The following RIT2 variants were observed in gnomAD, a reference collection of about 807,000 sequenced individuals.
RIT2 encodes GTP-binding protein Rit2.
RIT2 carries 24 observed loss-of-function variants against 23.7 expected under a neutral mutation model. The ratio of observed to expected loss-of-function variants is 1.01; its 90% CI spans 0.73 to 1.43. The LOEUF is 1.43. Among genes scored for constraint, RIT2 ranks in the 40% most tolerant of loss-of-function variants. RIT2 has a pLI of 0.00. For synonymous variants in RIT2, 107 were observed against 91.1 expected, an observed-to-expected ratio of 1.17 and a Z score of -0.99; for missense variants, 236 against 266.9, an observed-to-expected ratio of 0.88 and a Z score of 0.81.
intron 2 of RIT2, among the ~76,000 whole-genome samples, chr18:43,031,909 A>C (rs1322224107): frequency 6.6e-6 from 1 of 152,054 alleles, no homozygotes; most frequent in Non-Finnish European, 1.5e-5. Context: ...TTTCCTCTTA[A>C]GAGGTCATTA....
At chr18:42,839,489 T>G (rs1443221525) in intron 4 of RIT2, among the ~76,000 whole-genome samples, 1 of 152,174 alleles carries the variant, frequency 6.6e-6, no homozygotes, top group Non-Finnish European at 1.5e-5. Flanking sequence ...ACAGTGTGAC[T>G]TGAGGGCTTG....
At chr18:42,786,493 T>C (rs1913924884) in intron 4 of RIT2, among the ~76,000 whole-genome samples, 1 of 152,228 alleles carries the variant, frequency 6.6e-6, no homozygotes, top group Non-Finnish European at 1.5e-5. Flanking sequence ...TTAAAATATA[T>C]GCAACTATTA....
At chr18:42,985,949 TAATATGAGAATGAA>T (rs1344220967) in intron 2 of RIT2, among the ~76,000 whole-genome samples, 1 of 151,762 alleles carries the variant, frequency 6.6e-6, no homozygotes, top group African/African-American at 2.4e-5. Context: ...CGAAAGTTTT[TAATATGAGAATGAA>T]AATATGAGTC....
chr18:43,057,854 G>A (rs1912545980), intron 1 of RIT2, among the ~76,000 whole-genome samples: 1 of 145,038 alleles, frequency 6.9e-6, no homozygotes, highest in Non-Finnish European at 1.5e-5. Flanking sequence ...AATGGCTTGG[G>A]CCAAGAAATT....
At chr18:43,068,591 T>A (rs143843205) in intron 1 of RIT2, among the ~76,000 whole-genome samples, 11 of 152,292 alleles carry the variant, frequency 7.2e-5, no homozygotes, top group Middle Eastern at 3.4e-3. Flanking sequence ...AGTGGTCAAT[T>A]GCATAACTGC....
At chr18:43,075,048 T>A (rs1912981594) in intron 1 of RIT2, among the ~76,000 whole-genome samples, 1 of 152,120 alleles carries the variant, frequency 6.6e-6, no homozygotes, top group Admixed American at 6.5e-5. Context: ...ACCCTGGAAC[T>A]TAAAATAAAA....
chr18:43,100,677 T>G (rs1326924246), intron 1 of RIT2, among the ~76,000 whole-genome samples: 1 of 152,082 alleles, frequency 6.6e-6, no homozygotes, highest in Non-Finnish European at 1.5e-5. Context: ...CCAAGGAAAT[T>G]ACTTATGAAC....
chr18:42,784,472 T>C (rs1913881265), intron 4 of RIT2, among the ~76,000 whole-genome samples: 1 of 152,178 alleles, frequency 6.6e-6, no homozygotes, highest in Non-Finnish European at 1.5e-5. Context: ...ATAGCAATGT[T>C]CAGGGCAGTT....
At chr18:42,766,108 T>G in intron 4 of RIT2, among the ~76,000 whole-genome samples, 1 of 152,178 alleles carries the variant, frequency 6.6e-6, no homozygotes, top group Non-Finnish European at 1.5e-5. Context: ...AGTAAATTGG[T>G]ACCAGTAGAG....
At chr18:42,767,384 G>T (rs1035045291) in intron 4 of RIT2, among the ~76,000 whole-genome samples, 5 of 152,200 alleles carry the variant, frequency 3.3e-5, no homozygotes, top group Admixed American at 6.5e-5. Flanking sequence ...TGCCCTGCTG[G>T]ATTTTGGACT....
chr18:42,773,384 T>C (rs1913595727), intron 4 of RIT2, among the ~76,000 whole-genome samples: 1 of 152,164 alleles, frequency 6.6e-6, no homozygotes, highest in South Asian at 2.1e-4. Flanking sequence ...ATAGGGAATA[T>C]AAACTGATGA....
chr18:42,924,635 T>G (rs1248167351), intron 3 of RIT2, among the ~76,000 whole-genome samples: 2 of 152,016 alleles, frequency 1.3e-5, no homozygotes, highest in African/African-American at 4.8e-5. Flanking sequence ...GAATAAGCAA[T>G]GAAAGAACAA....
At chr18:42,809,926 A>G (rs906412569) in intron 4 of RIT2, among the ~76,000 whole-genome samples, 3 of 141,920 alleles carry the variant, frequency 2.1e-5, no homozygotes, top group Non-Finnish European at 4.6e-5. Context: ...ATTTGTATAT[A>G]TGTTATATAT....
At chr18:43,110,244 T>C (rs192497593) in intron 1 of RIT2, among the ~76,000 whole-genome samples, 220 of 152,082 alleles carry the variant, frequency 1.4e-3, no homozygotes, top group Non-Finnish European at 2.6e-3. Flanking sequence ...TAACTCCATA[T>C]ATATATATAC....
chr18:43,013,104 G>A (rs759072715), intron 2 of RIT2, among the ~76,000 whole-genome samples: 6 of 151,628 alleles, frequency 4.0e-5, no homozygotes, highest in South Asian at 2.1e-4. Flanking sequence ...TAAACATTTC[G>A]TGTGTACATA....
At chr18:42,988,193 G>A (rs996086197) in intron 2 of RIT2, among the ~76,000 whole-genome samples, 1 of 151,888 alleles carries the variant, frequency 6.6e-6, no homozygotes, top group African/African-American at 2.4e-5. Context: ...TGAGAGAATC[G>A]AGACAGAAAA....
chr18:42,924,250 T>G (rs1390951280), intron 3 of RIT2, among the ~76,000 whole-genome samples: 1 of 152,126 alleles, frequency 6.6e-6, no homozygotes, highest in Non-Finnish European at 1.5e-5. Context: ...AACAAATTTT[T>G]CTACTCAAAA....
At chr18:43,074,716 A>C (rs767202900) in intron 1 of RIT2, among the ~76,000 whole-genome samples, 2 of 152,250 alleles carry the variant, frequency 1.3e-5, no homozygotes, top group Non-Finnish European at 2.9e-5. Flanking sequence ...CGATGCAGCC[A>C]TAAAAAGGAA....
chr18:43,033,091 T>C (rs534948594), intron 2 of RIT2, among the ~76,000 whole-genome samples: 1 of 152,152 alleles, frequency 6.6e-6, no homozygotes, highest in Non-Finnish European at 1.5e-5. Flanking sequence ...TACCAGTGTG[T>C]TTCTGACAAA....
Sources: allele counts gnomAD v4.1 joint callset (sites outside exome capture counted in the v4.1 genomes callset), GRCh38; gene constraint gnomAD v4.1.1; transcripts MANE v1.5; gene names NCBI Gene and HGNC (gene_info 2026-07-23, HGNC 2026-07-21).